MAPK10: variants seen among roughly 807,000 people sequenced by gnomAD.
The protein encoded by MAPK10 is JNK3 alpha protein kinase.
A neutral mutation model predicts 59.3 loss-of-function variants in MAPK10; 25 were observed. That is an observed-to-expected ratio of 0.42 (90% confidence interval 0.31 to 0.59). The LOEUF (loss-of-function observed/expected upper bound fraction) is 0.59. MAPK10 is among the 20% of genes least tolerant of loss of function. The pLI is 0.15. For missense variants in MAPK10, 351 were observed against 568.9 expected, an observed-to-expected ratio of 0.62 and a Z score of 3.90; for synonymous variants, 190 against 200.5, an observed-to-expected ratio of 0.95 and a Z score of 0.44.
At chr4:86,214,531 A>C (rs1048464211) in intron 2 of MAPK10, among the ~76,000 whole-genome samples, 1 of 151,282 alleles carries the variant, frequency 6.6e-6, no homozygotes, top group Admixed American at 6.6e-5. Context: ...AAAAAAAAAA[A>C]AAAACTGTTA....
Position 86,575,795 on chromosome 4 carries a change from T to C in MAPK10, c.-263+18115A>G, listed in dbSNP as rs983021564. On this transcript the variant is annotated intron_variant, in intron 1 of 4. Transcript: ENST00000502302. ...AACACTCCATGGTGTATGATGGGGTTATGATGTAGTAACTCATTCTTAAAC... is the reference window on the plus strand; with the variant it reads ...AACACTCCATGGTGTATGATGGGGTCATGATGTAGTAACTCATTCTTAAAC... Among the ~76,000 whole-genome samples the C allele has an allele frequency of 1.3e-5, 2 of 150,678 alleles. 1 individual carries two copies. Among genetic ancestry groups the C allele is most frequent in the South Asian group, 4.3e-4 (2 of 4,684 alleles).
chr4:86,389,934 C>T (rs1158722227), intron 1 of MAPK10, among the ~76,000 whole-genome samples: 1 of 103,406 alleles, frequency 9.7e-6, no homozygotes, highest in Non-Finnish European at 2.1e-5. Context: ...TCTCTCTCTG[C>T]CCCCATCTAT....
At chr4:86,278,120 CAT>C (rs1371455756) in intron 2 of MAPK10, among the ~76,000 whole-genome samples, 1 of 152,092 alleles carries the variant, frequency 6.6e-6, no homozygotes, top group East Asian at 1.9e-4. Context: ...ATGTTTTACT[CAT>C]ATCAAAAGAC....
In MAPK10 at chr4:86,218,568, CAAAA is replaced by C. The variant is rs11330422; in HGVS notation, c.-6-24165_-6-24162del. On this transcript the variant is annotated intron_variant, in intron 2 of 13. Coordinates refer to ENST00000641462, the MANE Select transcript of MAPK10 (RefSeq NM_138982.4). ...TATGGGCATAATAATAAGACTTAAG[CAAAA>C]AAAAAAAAAAAAAAACACTTTGGGC... Among the ~76,000 whole-genome samples the C allele has an allele frequency of 2.5e-3, 236 of 95,460 alleles. 1 individual carries two copies. Among genetic ancestry groups the C allele is most frequent in the African/African-American group, 6.9e-3 (212 of 30,850 alleles). 62.6% of individuals were successfully genotyped at this position (95,460 alleles called of 152,430 possible). A position where few individuals can be genotyped will look rare whatever the true frequency, so the allele number is the denominator to read the frequency against.
intron 3 of MAPK10, among the ~76,000 whole-genome samples, chr4:86,183,092 T>C (rs1421350495): frequency 3.9e-5 from 6 of 152,106 alleles, no homozygotes; most frequent in Admixed American, 6.6e-5. Context: ...TCAGATTTAG[T>C]CTTGAAATAT....
chr4:86,015,015 A>AG lies in MAPK10; in HGVS notation c.*2212_*2213insC, dbSNP rs996422451. 1.3e-5 allele frequency: 2 copies of AG among 151,950 alleles called. No individual in the cohort carries two copies. The highest frequency in any genetic ancestry group is 4.8e-5 in the African/African-American group (2 of 41,336). 9.4% of individuals were successfully genotyped at this position (151,950 alleles called of 1,614,324 possible). ...ACAGAGAGGAGAAGTTTTTAAAAAA[A>AG]AAAAAAAAAAACAGGAATATGAAAG... On this transcript the variant is annotated 3_prime_UTR_variant, in exon 14 of 14. Coordinates refer to ENST00000641462, the MANE Select transcript of MAPK10 (RefSeq NM_138982.4).
At chr4:86,569,758 G>A (rs1307178311) in intron 1 of MAPK10, among the ~76,000 whole-genome samples, 11 of 152,002 alleles carry the variant, frequency 7.2e-5, no homozygotes, top group African/African-American at 2.7e-4. Context: ...GTGGGTACAC[G>A]TGGACATTCA....
intron 2 of MAPK10, among the ~76,000 whole-genome samples, chr4:86,341,960 G>A (rs995421844): frequency 6.6e-6 from 1 of 152,102 alleles, no homozygotes; most frequent in Non-Finnish European, 1.5e-5. Context: ...AAGAGGTTAC[G>A]TGACCTAACC....
intron 1 of MAPK10, among the ~76,000 whole-genome samples, chr4:86,568,878 G>A (rs1375020171): frequency 6.6e-6 from 1 of 151,954 alleles, no homozygotes. Flanking sequence ...CTGGACATTG[G>A]TCTGGGCTAA....
chr4:86,315,484 T>C (rs1380033643), intron 2 of MAPK10, among the ~76,000 whole-genome samples: 2 of 152,118 alleles, frequency 1.3e-5, no homozygotes, highest in Non-Finnish European at 2.9e-5. Flanking sequence ...ATGCATTACA[T>C]GCCTGTATCA....
chr4:86,495,083 C>T (rs1029581792), intron 1 of MAPK10, among the ~76,000 whole-genome samples: 3 of 152,004 alleles, frequency 2.0e-5, no homozygotes, highest in Non-Finnish European at 4.4e-5. Context: ...TCACTTCAGA[C>T]AGAGCCAGAC....
chr4:86,325,773 A>G (rs925921045), intron 2 of MAPK10: 3 of 152,236 alleles, frequency 2.0e-5, no homozygotes, highest in Non-Finnish European at 2.9e-5. Flanking sequence ...GACTTATAAT[A>G]GTAATACATA....
At chr4:86,412,843 G>C (rs777748260) in intron 1 of MAPK10, among the ~76,000 whole-genome samples, 8 of 152,162 alleles carry the variant, frequency 5.3e-5, no homozygotes, top group Non-Finnish European at 1.0e-4. Flanking sequence ...CGATGGGTTA[G>C]AACATGCTCC....
At chr4:86,040,156 G>C (rs964909047) in intron 11 of MAPK10, among the ~76,000 whole-genome samples, 1 of 152,142 alleles carries the variant, frequency 6.6e-6, no homozygotes, top group African/African-American at 2.4e-5. Flanking sequence ...AAATCTCCCA[G>C]TGGCTGAGTC....
At chr4:86,435,585 A>G (rs1412371350) in intron 1 of MAPK10, among the ~76,000 whole-genome samples, 1 of 152,182 alleles carries the variant, frequency 6.6e-6, no homozygotes, top group African/African-American at 2.4e-5. Flanking sequence ...AAAAGAAAAT[A>G]TGTGATGCCA....
At chr4:86,526,243 A>C (rs1423796394) in intron 1 of MAPK10, among the ~76,000 whole-genome samples, 1 of 152,048 alleles carries the variant, frequency 6.6e-6, no homozygotes, top group African/African-American at 2.4e-5. Flanking sequence ...TAATTTTGGA[A>C]CTTGATATTG....
intron 1 of MAPK10, among the ~76,000 whole-genome samples, chr4:86,555,684 A>G (rs1318588604): frequency 6.6e-6 from 1 of 152,172 alleles, no homozygotes; most frequent in Non-Finnish European, 1.5e-5. Context: ...TTCCTTGACT[A>G]TCTTTATTTT....
chr4:86,256,392 TTATAAAAG>T (rs2093709007), intron 2 of MAPK10, among the ~76,000 whole-genome samples: 2 of 152,196 alleles, frequency 1.3e-5, no homozygotes, highest in Non-Finnish European at 1.5e-5. Flanking sequence ...TAAAGTTGTT[TTATAAAAG>T]TTTCCACTCC....
chr4:86,456,903 C>G (rs1423844488), upstream of MAPK10, among the ~76,000 whole-genome samples: 2 of 152,086 alleles, frequency 1.3e-5, no homozygotes, highest in Non-Finnish European at 2.9e-5. Flanking sequence ...ATGCTAAAAT[C>G]CTTAACAAAA....
Sources: gnomAD v4.1 joint callset for allele counts (sites outside exome capture counted in the v4.1 genomes callset) on GRCh38, gnomAD v4.1.1 for gene constraint, MANE v1.5 for transcripts, NCBI Gene and HGNC (gene_info 2026-07-23, HGNC 2026-07-21) for gene names.